MECOM: variants seen among roughly 807,000 people sequenced by gnomAD.
MECOM encodes the protein MDS1 and EVI1 complex locus.
MECOM carries 13 observed loss-of-function variants against 116.3 expected under a neutral mutation model. The observed-to-expected ratio is 0.11, with a 90% CI of 0.07 to 0.18. The LOEUF (loss-of-function observed/expected upper bound fraction) is 0.18, where lower values mean the gene tolerates loss of function less well. Ranked by LOEUF, MECOM falls within the 10% of genes least tolerant of loss-of-function variation. MECOM has a pLI of 1.00. For missense variants in MECOM, 1,299 were observed against 1,509.0 expected (o/e 0.86, Z 2.31); for synonymous variants, 528 against 535.2 (o/e 0.99, Z 0.19).
Position 169,425,727 on chromosome 3 carries a change from G to C in MECOM, c.38-44203C>G, listed in dbSNP as rs140378173. On this transcript the variant is annotated intron_variant, in intron 1 of 16. Coordinates refer to ENST00000651503, the MANE Select transcript of MECOM (RefSeq NM_004991.4). Reference sequence around the variant, plus strand: ...TTTATTTTGCTGTGTCTGAGTGTTAGAGCATTATTTATAATAATGAAAAAT... The same window carrying C: ...TTTATTTTGCTGTGTCTGAGTGTTACAGCATTATTTATAATAATGAAAAAT... Among the ~76,000 whole-genome samples, 947 of 152,212 alleles carry C rather than the reference G, an allele frequency of 6.2e-3. 14 individuals are homozygous for C. Among genetic ancestry groups the C allele is most frequent in the African/African-American group, 0.021 (892 of 41,540 alleles).
chr3:169,102,947 C>T (rs1487130177), intron 10 of MECOM, among the ~76,000 whole-genome samples: 1 of 151,654 alleles, frequency 6.6e-6, no homozygotes, highest in African/African-American at 2.4e-5. Flanking sequence ...ACAGGGGGAG[C>T]AGTTTATGTA....
At chr3:169,132,774 A>G (rs1409203014) in intron 3 of MECOM, among the ~76,000 whole-genome samples, 4 of 142,096 alleles carry the variant, frequency 2.8e-5, no homozygotes, top group Non-Finnish European at 6.1e-5. Context: ...TTTTTTTGAG[A>G]CAGGGTCTCA....
At chr3:169,448,488 A>G (rs1185215670) in intron 1 of MECOM, among the ~76,000 whole-genome samples, 5 of 152,184 alleles carry the variant, frequency 3.3e-5, no homozygotes, top group African/African-American at 1.2e-4. Flanking sequence ...GTAAAGCCAG[A>G]TTTTTAATTC....
intron 12 of MECOM, among the ~76,000 whole-genome samples, chr3:169,097,359 T>TA (rs1387621381): frequency 1.3e-5 from 2 of 151,992 alleles, no homozygotes; most frequent in Non-Finnish European, 2.9e-5. Context: ...ATGTTCTAAA[T>TA]AAAAAAATCA....
At chr3:169,161,855 G>A (rs1050399030) in intron 2 of MECOM, among the ~76,000 whole-genome samples, 2 of 152,046 alleles carry the variant, frequency 1.3e-5, no homozygotes, top group Non-Finnish European at 2.9e-5. Context: ...GCCTATGCGG[G>A]GAACAATTAG....
intron 1 of MECOM, among the ~76,000 whole-genome samples, chr3:169,584,408 A>T (rs1289676637): frequency 6.6e-6 from 1 of 151,572 alleles, no homozygotes; most frequent in East Asian, 1.9e-4. Context: ...TACTAAAAAT[A>T]CAAAAAATTA....
intron 2 of MECOM, among the ~76,000 whole-genome samples, chr3:169,282,126 C>A (rs572546756): frequency 2.0e-5 from 3 of 152,202 alleles, no homozygotes; most frequent in African/African-American, 7.2e-5. Flanking sequence ...TAAAAGTAAA[C>A]CCAAATTCCA....
At chr3:169,218,310 G>C (rs745859624) in intron 2 of MECOM, among the ~76,000 whole-genome samples, 2 of 152,174 alleles carry the variant, frequency 1.3e-5, no homozygotes, top group Non-Finnish European at 2.9e-5. Context: ...GATCACAAGA[G>C]CTGGGTTGTT....
At chr3:169,524,194 G>C (rs999672803) in intron 1 of MECOM, among the ~76,000 whole-genome samples, 3 of 151,856 alleles carry the variant, frequency 2.0e-5, no homozygotes, top group African/African-American at 7.3e-5. Context: ...GAGAATATAG[G>C]AATGTGGAAA....
chr3:169,338,936 A>G (rs909284783), intron 2 of MECOM, among the ~76,000 whole-genome samples: 1 of 152,100 alleles, frequency 6.6e-6, no homozygotes, highest in Non-Finnish European at 1.5e-5. Context: ...CTCAGAGTAA[A>G]AATTTGGAAC....
chr3:169,473,064 C>T (rs188555039), intron 1 of MECOM: 61 of 638,404 alleles, frequency 9.6e-5, no homozygotes, highest in Middle Eastern at 1.6e-3. Context: ...CAACAGTCTC[C>T]TGGTTTCCAA....
At chr3:169,555,124 T>C (rs1761871272) in intron 1 of MECOM, among the ~76,000 whole-genome samples, 1 of 152,220 alleles carries the variant, frequency 6.6e-6, no homozygotes. Context: ...AAAATTTTCT[T>C]TTAGGGGCCC....
intron 2 of MECOM, among the ~76,000 whole-genome samples, chr3:169,264,220 T>C (rs1400799435): frequency 6.6e-6 from 1 of 152,214 alleles, no homozygotes; most frequent in Non-Finnish European, 1.5e-5. Context: ...TACTTTCTTT[T>C]CCATAAATTG....
intron 1 of MECOM, among the ~76,000 whole-genome samples, chr3:169,592,723 A>G (rs1354121834): frequency 6.6e-6 from 1 of 152,170 alleles, no homozygotes; most frequent in Admixed American, 6.5e-5. Flanking sequence ...AAAAGTCCAC[A>G]TCTTAGAGTC....
At chr3:169,549,050 T>A (rs936160494) in intron 1 of MECOM, among the ~76,000 whole-genome samples, 2 of 150,194 alleles carry the variant, frequency 1.3e-5, no homozygotes, top group Non-Finnish European at 2.9e-5. Context: ...CTCAGCTCAC[T>A]GCAACCTCCG....
At chr3:169,392,399 C>T (rs555952913) in intron 1 of MECOM, among the ~76,000 whole-genome samples, 2 of 152,100 alleles carry the variant, frequency 1.3e-5, no homozygotes, top group South Asian at 4.1e-4. Context: ...GATTTAAATC[C>T]TTTTCTAGCA....
chr3:169,438,351 C>T (rs1743053125), intron 1 of MECOM, among the ~76,000 whole-genome samples: 1 of 152,148 alleles, frequency 6.6e-6, no homozygotes, highest in Non-Finnish European at 1.5e-5. Context: ...CCAGCAGACC[C>T]TGAGACAATG....
At chr3:169,093,958 T>G (rs929521376) in intron 13 of MECOM, among the ~76,000 whole-genome samples, 1 of 152,218 alleles carries the variant, frequency 6.6e-6, no homozygotes, top group African/African-American at 2.4e-5. Context: ...AACTTTGACA[T>G]GTTACATGTT....
intron 1 of MECOM, among the ~76,000 whole-genome samples, chr3:169,503,236 A>C (rs11918250): frequency 0.17 from 25,416 of 152,130 alleles, 2,282 homozygotes; most frequent in East Asian, 0.33. Context: ...TACCATATAT[A>C]ATCTCAGAAA....
Sources: allele counts gnomAD v4.1 joint callset (sites outside exome capture counted in the v4.1 genomes callset), GRCh38; gene constraint gnomAD v4.1.1; transcripts MANE v1.5; gene names NCBI Gene and HGNC (gene_info 2026-07-23, HGNC 2026-07-21).